The following DLGAP2 variants were observed in gnomAD, a reference collection of about 807,000 sequenced individuals.
DLGAP2 encodes the protein disks large-associated protein 2.
DLGAP2 carries 26 observed loss-of-function variants against 100.3 expected under a neutral mutation model. The observed-to-expected ratio is 0.26, with a 90% CI of 0.19 to 0.36. DLGAP2 has a LOEUF of 0.36. DLGAP2 is among the 10% of genes least tolerant of loss of function. The pLI is 1.00. For synonymous variants in DLGAP2, 886 were observed against 630.1 expected (o/e 1.41, Z -6.08); for missense variants, 1,858 against 1,453.2 (o/e 1.28, Z -4.53).
At chr8:882,962 G>A (rs139680987) in intron 1 of DLGAP2, among the ~76,000 whole-genome samples, 1 of 152,250 alleles carries the variant, frequency 6.6e-6, no homozygotes, top group Non-Finnish European at 1.5e-5. Context: ...CAGAAGTTGA[G>A]TTTTTGTTGG....
At chr8:880,424 G>A (rs976213169) in intron 1 of DLGAP2, among the ~76,000 whole-genome samples, 5 of 152,312 alleles carry the variant, frequency 3.3e-5, no homozygotes, top group East Asian at 1.9e-4. Flanking sequence ...GCTCCTGTGC[G>A]GGGTGACCGT....
At chr8:1,222,193 T>A (rs1362432892) in intron 2 of DLGAP2, among the ~76,000 whole-genome samples, 1 of 152,256 alleles carries the variant, frequency 6.6e-6, no homozygotes, top group Non-Finnish European at 1.5e-5. Context: ...GCTGGTTCTT[T>A]CTCATCTGTG....
intron 3 of DLGAP2, chr8:1,369,718 C>T (rs886564678): frequency 6.6e-6 from 1 of 152,282 alleles, no homozygotes; most frequent in East Asian, 1.9e-4. Context: ...TCCAACTTAC[C>T]CTAGCCCTGC....
intron 3 of DLGAP2, among the ~76,000 whole-genome samples, chr8:1,277,058 T>G (rs1037517591): frequency 6.6e-6 from 1 of 152,226 alleles, no homozygotes; most frequent in Non-Finnish European, 1.5e-5. Flanking sequence ...CTGTTTCTAA[T>G]CATTTTTCTG....
intron 2 of DLGAP2, among the ~76,000 whole-genome samples, chr8:1,227,654 A>T (rs553174836): frequency 6.6e-6 from 1 of 152,148 alleles, no homozygotes; most frequent in Non-Finnish European, 1.5e-5. Flanking sequence ...CGTTATGCTA[A>T]ATGAAATAAG....
At chr8:1,352,918 C>T (rs1014953346) in intron 3 of DLGAP2, among the ~76,000 whole-genome samples, 2 of 152,184 alleles carry the variant, frequency 1.3e-5, no homozygotes, top group East Asian at 3.9e-4. Flanking sequence ...GGTCTTCCAG[C>T]TCAGCCTGCC....
chr8:855,200 A>G lies in DLGAP2; in HGVS notation c.19-52712A>G, dbSNP rs1271504355. ...TAGGAGAAGACACCTGCAGGCATTT[A>G]TGTGGGATCATTGACTCCAGCTATG... On this transcript the variant is annotated intron_variant, in intron 1 of 14. Coordinates refer to ENST00000637795, the MANE Select transcript of DLGAP2 (RefSeq NM_001346810.2). Among the ~76,000 whole-genome samples, 3 of 152,328 alleles carry G rather than the reference A, an allele frequency of 2.0e-5. No homozygotes were observed. In the East Asian group the frequency reaches 5.8e-4, roughly 29 times the overall value.
intron 3 of DLGAP2, among the ~76,000 whole-genome samples, chr8:1,423,014 C>A (rs971079315): frequency 6.6e-6 from 1 of 152,052 alleles, no homozygotes; most frequent in African/African-American, 2.4e-5. Flanking sequence ...ATCTTGAGCA[C>A]ATCAGGATAC....
intron 2 of DLGAP2, among the ~76,000 whole-genome samples, chr8:1,048,494 G>T (rs1802577821): frequency 6.6e-6 from 1 of 151,902 alleles, no homozygotes; most frequent in Admixed American, 6.6e-5. Context: ...GGAAGGTGTG[G>T]GGTGGGCCCT....
intron 3 of DLGAP2, among the ~76,000 whole-genome samples, chr8:1,495,992 C>G (rs1329898681): frequency 1.3e-5 from 2 of 152,144 alleles, no homozygotes; most frequent in Non-Finnish European, 2.9e-5. Flanking sequence ...TATTCCCAGG[C>G]AGTGACGTGG....
In DLGAP2 at chr8:1,548,707, C is replaced by G. The variant is rs777119247; in HGVS notation, c.254C>G (p.Ser85Cys). The G allele has an allele frequency of 1.9e-6, 3 of 1,607,280 alleles. No individual in the cohort carries two copies. The highest frequency in any genetic ancestry group is 2.5e-6 in the Non-Finnish European group (3 of 1,178,216). ...SPAPRSMKGL[S>C]GSRTQPPLCS... ...GCGCCCAGGAGCATGAAGGGCCTTT[C>G]CGGAAGTCGGACCCAGCCGCCGCTG... Residue 85 changes from serine to cysteine, a missense_variant, in exon 5 of 15, where the codon TCC becomes TGC. Coordinates refer to ENST00000637795, the MANE Select transcript of DLGAP2 (RefSeq NM_001346810.2).
At chr8:864,032 CCT>C (rs1488698864) in intron 1 of DLGAP2, among the ~76,000 whole-genome samples, 6 of 152,178 alleles carry the variant, frequency 3.9e-5, no homozygotes, top group African/African-American at 1.4e-4. Context: ...AGGATGAAAT[CCT>C]GTCATTTGCG....
At chr8:1,031,972 G>A (rs981212460) in intron 2 of DLGAP2, among the ~76,000 whole-genome samples, 5 of 152,324 alleles carry the variant, frequency 3.3e-5, no homozygotes, top group Admixed American at 1.3e-4. Flanking sequence ...GCATTCTAGC[G>A]AATCCCCAGG....
At chr8:1,314,584 A>G (rs574147251) in intron 3 of DLGAP2, among the ~76,000 whole-genome samples, 1 of 152,234 alleles carries the variant, frequency 6.6e-6, no homozygotes, top group Non-Finnish European at 1.5e-5. Context: ...CTCCTGTGTC[A>G]CCGCCTCTCA....
At chr8:996,385 G>T (rs1379386574) in intron 2 of DLGAP2, among the ~76,000 whole-genome samples, 2 of 152,124 alleles carry the variant, frequency 1.3e-5, no homozygotes, top group Non-Finnish European at 2.9e-5. Context: ...GTCTGAGCAG[G>T]GTGTGGATCC....
chr8:1,563,783 C>A (rs559973499), intron 5 of DLGAP2, among the ~76,000 whole-genome samples: 110 of 152,214 alleles, frequency 7.2e-4, no homozygotes, highest in Non-Finnish European at 1.3e-3. Context: ...CAGGGGCCTT[C>A]AGCCAGAAGA....
chr8:1,100,290 G>C, intron 2 of DLGAP2, among the ~76,000 whole-genome samples: 1 of 151,400 alleles, frequency 6.6e-6, no homozygotes. Context: ...CATGTCCACA[G>C]TGTACAGCGT....
intron 7 of DLGAP2, among the ~76,000 whole-genome samples, chr8:1,631,362 C>A (rs1563268566): frequency 6.6e-6 from 1 of 152,138 alleles, no homozygotes; most frequent in Non-Finnish European, 1.5e-5. Context: ...CAGGTTCTGA[C>A]CTTCTCACGC....
intron 2 of DLGAP2, among the ~76,000 whole-genome samples, chr8:987,852 C>G (rs962541035): frequency 1.3e-5 from 2 of 152,166 alleles, no homozygotes; most frequent in South Asian, 4.1e-4. Context: ...AAAAAGGATC[C>G]TCTCTTTCAG....
Sources: gnomAD v4.1 joint callset for allele counts (sites outside exome capture counted in the v4.1 genomes callset) on GRCh38, gnomAD v4.1.1 for gene constraint, MANE v1.5 for transcripts, NCBI Gene and HGNC (gene_info 2026-07-23, HGNC 2026-07-21) for gene names.